Variants in LRRC7 observed in about 807,000 individuals in gnomAD.
LRRC7 encodes leucine-rich repeat-containing protein 7.
LRRC7 carries 23 observed loss-of-function variants against 175.7 expected under a neutral mutation model. The observed-to-expected ratio is 0.13, with a 90% confidence interval of 0.09 to 0.19. LRRC7 has a LOEUF of 0.19. Ranked by LOEUF, LRRC7 falls within the 10% of genes least tolerant of loss-of-function variation. LRRC7 has a pLI of 1.00. For missense variants in LRRC7, 1,354 were observed against 1,904.7 expected, an observed-to-expected ratio of 0.71 and a Z score of 5.38; for synonymous variants, 685 against 680.9, an observed-to-expected ratio of 1.01 and a Z score of -0.09.
intron 25 of LRRC7, among the ~76,000 whole-genome samples, chr1:70,106,564 A>G (rs1665158790): frequency 6.6e-6 from 1 of 152,200 alleles, no homozygotes; most frequent in South Asian, 2.1e-4. Flanking sequence ...TGGAATGTCA[A>G]TTAAAATCTT....
chr1:69,881,781 G>A (rs1686630799), intron 7 of LRRC7, among the ~76,000 whole-genome samples: 1 of 151,468 alleles, frequency 6.6e-6, no homozygotes, highest in South Asian at 2.1e-4. Flanking sequence ...TTGGGAGGCT[G>A]AGGTGGGAGG....
chr1:69,712,592 G>A (rs558767276), intron 2 of LRRC7, among the ~76,000 whole-genome samples: 2 of 152,264 alleles, frequency 1.3e-5, no homozygotes, highest in South Asian at 2.1e-4. Context: ...GCGACAGAGC[G>A]AGACTCCATC....
intron 21 of LRRC7, among the ~76,000 whole-genome samples, chr1:70,041,165 ATTATT>A (rs1659863880): frequency 6.6e-6 from 1 of 152,072 alleles, no homozygotes; most frequent in African/African-American, 2.4e-5. Flanking sequence ...CAATAGTTTT[ATTATT>A]TTATTTGGTG....
Position 69,678,496 on chromosome 1 carries a change from G to A in LRRC7, c.100+18G>A, listed in dbSNP as rs866554180. 1 of 1,558,438 alleles carries A rather than the reference G, an allele frequency of 6.4e-7. No homozygotes were observed. Among genetic ancestry groups the A allele is most frequent in the Non-Finnish European group, 8.8e-7 (1 of 1,141,140 alleles). On this transcript the variant is annotated intron_variant, in intron 2 of 26. Transcript: ENST00000651989. ...AGAGGAGTGTAAGTATGTTTAATAG[G>A]ATTACCTGTGTTCTAGATAGATTTT...
chr1:69,736,160 A>G (rs771003828), intron 2 of LRRC7, among the ~76,000 whole-genome samples: 47 of 152,088 alleles, frequency 3.1e-4, no homozygotes, highest in Non-Finnish European at 5.7e-4. Context: ...TCCAAAAATA[A>G]CATTTGAAAT....
chr1:70,039,886 A>C (rs938401388), intron 21 of LRRC7, 93 bp downstream of exon 21: 1 of 1,404,064 alleles, frequency 7.1e-7, no homozygotes, highest in Non-Finnish European at 9.6e-7. Flanking sequence ...CATGAACTAC[A>C]TGAATGAATT....
chr1:69,784,836 G>A (rs963342827), intron 3 of LRRC7, among the ~76,000 whole-genome samples: 1 of 152,010 alleles, frequency 6.6e-6, no homozygotes, highest in Non-Finnish European at 1.5e-5. Flanking sequence ...ATTTTAGTTT[G>A]TAAATGTAGA....
At chr1:70,017,050 C>T (rs1025549823) in intron 14 of LRRC7, among the ~76,000 whole-genome samples, 2 of 151,988 alleles carry the variant, frequency 1.3e-5, no homozygotes, top group Non-Finnish European at 2.9e-5. Flanking sequence ...GGCCGAGGCA[C>T]ACAGATCACT....
intron 23 of LRRC7, among the ~76,000 whole-genome samples, chr1:70,058,576 G>A (rs1250846207): frequency 2.6e-5 from 4 of 151,996 alleles, no homozygotes; most frequent in Admixed American, 2.6e-4. Context: ...CAGAATATTT[G>A]GTTTCATGTA....
chr1:70,089,268 C>G (rs1201159937), intron 24 of LRRC7, among the ~76,000 whole-genome samples: 2 of 152,162 alleles, frequency 1.3e-5, no homozygotes, highest in Admixed American at 6.6e-5. Flanking sequence ...TTAATCTACT[C>G]TACTACAAAG....
intron 20 of LRRC7, among the ~76,000 whole-genome samples, chr1:70,036,878 TA>T (rs934779058): frequency 2.0e-5 from 3 of 150,934 alleles, no homozygotes; most frequent in Non-Finnish European, 3.0e-5. Context: ...ATTTAAAAAA[TA>T]AAAAAAAATG....
intron 3 of LRRC7, among the ~76,000 whole-genome samples, chr1:69,777,215 G>A (rs768207122): frequency 3.4e-4 from 52 of 152,300 alleles, no homozygotes; most frequent in African/African-American, 1.2e-3. Context: ...CAGGGTATGC[G>A]GGATGCCAAC....
Position 70,129,246 on chromosome 1 carries a change from T to TA in LRRC7, c.*7375dup, listed in dbSNP as rs199578199. Among the ~76,000 whole-genome samples the TA allele has an allele frequency of 4.0e-3, 542 of 133,996 alleles. No individual in the cohort carries two copies. The highest frequency in any genetic ancestry group is 9.6e-3 in the East Asian group (45 of 4,666). 87.9% of individuals were successfully genotyped at this position (133,996 alleles called of 152,430 possible). ...TGGGTGACAGAGTGAGACTCCATCTTAAAAAAAAAAAAAAAAGTGTCACGA... is the reference window on the plus strand; with the variant it reads ...TGGGTGACAGAGTGAGACTCCATCTTAAAAAAAAAAAAAAAAAGTGTCACGA... On this transcript the variant is annotated 3_prime_UTR_variant, in exon 27 of 27. Transcript: ENST00000651989.
intron 1 of LRRC7, among the ~76,000 whole-genome samples, chr1:69,645,678 G>A (rs2180425): frequency 6.6e-6 from 1 of 151,896 alleles, no homozygotes; most frequent in Non-Finnish European, 1.5e-5. Flanking sequence ...GCTTTTTTTA[G>A]AAAATGCTTT....
rs182120939 is a variant in LRRC7 at position 70,132,803 on chromosome 1, A to G, written c.*10916A>G. ...TCTTAAATAAAGACTAATGTCAGACAGTGTGGCTACAGGTAAAAGCTCTGT... is the reference window on the plus strand; with the variant it reads ...TCTTAAATAAAGACTAATGTCAGACGGTGTGGCTACAGGTAAAAGCTCTGT... On this transcript the variant is annotated 3_prime_UTR_variant, in exon 27 of 27. Transcript: ENST00000651989. Among the ~76,000 whole-genome samples, 2 of 152,074 alleles carry G rather than the reference A, an allele frequency of 1.3e-5. No homozygotes were observed. The highest frequency in any genetic ancestry group is 4.8e-5 in the African/African-American group (2 of 41,418).
At chr1:69,734,907 T>C (rs1667949369) in intron 2 of LRRC7, among the ~76,000 whole-genome samples, 1 of 151,908 alleles carries the variant, frequency 6.6e-6, no homozygotes, top group South Asian at 2.1e-4. Context: ...AATGGCAATA[T>C]ACAATAAACA....
At chr1:70,004,042 G>C (rs549768075) in intron 11 of LRRC7, among the ~76,000 whole-genome samples, 1 of 151,992 alleles carries the variant, frequency 6.6e-6, no homozygotes, top group Admixed American at 6.6e-5. Context: ...GGAAAGCAAC[G>C]GTTTCTAGTT....
At chr1:70,113,107 C>T (rs1218029340) in intron 26 of LRRC7, among the ~76,000 whole-genome samples, 2 of 152,086 alleles carry the variant, frequency 1.3e-5, no homozygotes, top group Non-Finnish European at 2.9e-5. Context: ...AGTTCAGACT[C>T]CACAAAGAGA....
chr1:70,068,219 T>A (rs1465097584), intron 23 of LRRC7, among the ~76,000 whole-genome samples: 1 of 152,202 alleles, frequency 6.6e-6, no homozygotes, highest in African/African-American at 2.4e-5. Context: ...TTTTTCCCAT[T>A]AAGTATATTA....
Sources: allele counts gnomAD v4.1 joint callset (sites outside exome capture counted in the v4.1 genomes callset), GRCh38; gene constraint gnomAD v4.1.1; transcripts MANE v1.5; gene names NCBI Gene and HGNC (gene_info 2026-07-23, HGNC 2026-07-21).